Variants in APP observed in about 807,000 individuals in gnomAD.
APP encodes amyloid-beta precursor protein.
APP carries 31 observed loss-of-function variants against 101.4 expected under a neutral mutation model. The ratio of observed to expected loss-of-function variants is 0.31; its 90% confidence interval spans 0.23 to 0.41. The LOEUF is 0.41. Ranked by LOEUF, APP falls within the 10% of genes least tolerant of loss-of-function variation. The pLI, the probability that APP is intolerant of heterozygous loss-of-function variation, is 1.00. For synonymous variants in APP, 366 were observed against 364.4 expected (o/e 1.00, Z -0.05); for missense variants, 839 against 1,003.7 (o/e 0.84, Z 2.22).
intron 13 of APP, among the ~76,000 whole-genome samples, chr21:25,929,920 C>T (rs1170427952): frequency 6.6e-6 from 1 of 152,024 alleles, no homozygotes; most frequent in Non-Finnish European, 1.5e-5. Flanking sequence ...AGCTCTGAAC[C>T]CACTAAGAGA....
intron 8 of APP, among the ~76,000 whole-genome samples, chr21:25,982,739 T>C (rs1303495117): frequency 6.6e-6 from 1 of 152,188 alleles, no homozygotes; most frequent in Non-Finnish European, 1.5e-5. Flanking sequence ...GCATTAGAGT[T>C]CTTTACGAAA....
At chr21:25,957,576 A>G (rs537366733) in intron 11 of APP, among the ~76,000 whole-genome samples, 15 of 152,186 alleles carry the variant, frequency 9.9e-5, no homozygotes, top group Admixed American at 5.9e-4. Flanking sequence ...ATCGCATTTA[A>G]CCATGATGTT....
At chr21:25,992,190 C>T (rs2042892511) in intron 8 of APP, among the ~76,000 whole-genome samples, 1 of 152,172 alleles carries the variant, frequency 6.6e-6, no homozygotes, top group Admixed American at 6.5e-5. Flanking sequence ...CAAGACCAGC[C>T]TGGCCAACAT....
chr21:25,885,610 G>A (rs566662899), intron 17 of APP, among the ~76,000 whole-genome samples: 29 of 152,188 alleles, frequency 1.9e-4, no homozygotes, highest in East Asian at 1.2e-3. Context: ...TGTGACTCTC[G>A]GTACGCTGCA....
At chr21:25,891,620 GT>G in intron 17 of APP, 101 bp downstream of exon 17, 1 of 1,221,258 alleles carries the variant, frequency 8.2e-7, no homozygotes, top group Non-Finnish European at 1.2e-6. Flanking sequence ...ACACTGATTC[GT>G]TTTTTAAAAG....
At chr21:26,044,976 T>C (rs995947976) in intron 5 of APP, among the ~76,000 whole-genome samples, 2 of 152,374 alleles carry the variant, frequency 1.3e-5, no homozygotes, top group South Asian at 2.1e-4. Context: ...ACAGTATTCC[T>C]TGCCATTTTA....
chr21:25,933,643 T>C (rs2040240071), intron 13 of APP, among the ~76,000 whole-genome samples: 1 of 152,204 alleles, frequency 6.6e-6, no homozygotes, highest in Admixed American at 6.5e-5. Context: ...TTATAGAGCA[T>C]TTATACATGC....
In APP at chr21:26,141,008, C is replaced by T. The variant is rs562095292; in HGVS notation, c.58-28862G>A. On this transcript the variant is annotated intron_variant, in intron 1 of 17. Transcript: ENST00000346798. ...ATTCTAACACTAACTGTAATTCTGG[C>T]CAAAAGGTTATGATGTGGGGTCCTC... is the stretch of plus-strand genomic sequence containing the variant. 4.6e-5 allele frequency among the ~76,000 whole-genome samples: 7 copies of T among 152,212 alleles called. No individual in the cohort carries two copies. The East Asian group carries it at 1.2e-3, about 25-fold the overall frequency.
intron 8 of APP, among the ~76,000 whole-genome samples, chr21:25,989,204 G>A (rs928515732): frequency 3.9e-5 from 6 of 152,216 alleles, no homozygotes; most frequent in Non-Finnish European, 7.3e-5. Context: ...TCTTCAGGAT[G>A]AGGCAGACGT....
rs114314035 is a variant in APP at position 25,954,183 on chromosome 21, T to G, written c.1687+407A>C. Among the ~76,000 whole-genome samples, 4 of 152,168 alleles carry G rather than the reference T, an allele frequency of 2.6e-5. 1 individual carries two copies. Among genetic ancestry groups the G allele is most frequent in the African/African-American group, 9.7e-5 (4 of 41,430 alleles). On this transcript the variant is annotated intron_variant, in intron 13 of 17. Transcript: ENST00000346798. ...CCAGTAAGTTACTCAAATTTTAAGTTTGAGCTTTTTCATTTGTAAGATGGA... is the reference window on the plus strand; with the variant it reads ...CCAGTAAGTTACTCAAATTTTAAGTGTGAGCTTTTTCATTTGTAAGATGGA...
chr21:26,026,748 C>G (rs2044594065), intron 5 of APP, among the ~76,000 whole-genome samples: 1 of 152,172 alleles, frequency 6.6e-6, no homozygotes, highest in African/African-American at 2.4e-5. Flanking sequence ...AGTAAAAGTA[C>G]TCAGTATGAC....
Position 25,897,680 on chromosome 21 carries a change from T to C in APP, c.1964-7A>G, listed in dbSNP as rs1426452434. The stretch of plus-strand genomic sequence containing the variant: ...ATATTTGTCAACCCAGAACCTGTAT[T>C]ACATCATAATTAAAGTATGCAGGAC... On this transcript the variant is annotated splice_polypyrimidine_tract_variant and splice_region_variant and intron_variant, in intron 15 of 17. Transcript: ENST00000346798. The C allele has an allele frequency of 1.9e-6, 3 of 1,600,800 alleles. No homozygotes were observed. Among genetic ancestry groups the C allele is most frequent in the Non-Finnish European group, 2.6e-6 (3 of 1,168,050 alleles).
chr21:26,086,026 C>T (rs557820581), intron 3 of APP, among the ~76,000 whole-genome samples: 61 of 152,236 alleles, frequency 4.0e-4, no homozygotes, highest in African/African-American at 1.2e-3. Flanking sequence ...ATTTATTTTA[C>T]GCAATGTTCC....
chr21:25,935,310 A>C (rs1284501845), intron 13 of APP: 4 of 152,254 alleles, frequency 2.6e-5, no homozygotes, highest in African/African-American at 9.6e-5. Flanking sequence ...TTTAAAAAAA[A>C]ATCTCCAGTA....
intron 5 of APP, among the ~76,000 whole-genome samples, chr21:26,034,409 C>T (rs989975829): frequency 1.3e-5 from 2 of 152,038 alleles, no homozygotes; most frequent in African/African-American, 4.8e-5. Flanking sequence ...CTCTGGGAGG[C>T]TGAGGCGGGC....
chr21:26,087,411 G>C (rs1425059710), intron 3 of APP, among the ~76,000 whole-genome samples: 1 of 152,212 alleles, frequency 6.6e-6, no homozygotes, highest in Non-Finnish European at 1.5e-5. Flanking sequence ...TAGTAGTCAA[G>C]AACAGTTAGT....
chr21:25,959,900 T>C (rs1386014885), intron 11 of APP, among the ~76,000 whole-genome samples: 1 of 152,226 alleles, frequency 6.6e-6, no homozygotes, highest in Non-Finnish European at 1.5e-5. Flanking sequence ...CTGATCTCAT[T>C]TAATACTGCC....
intron 1 of APP, among the ~76,000 whole-genome samples, chr21:26,168,943 A>G (rs2063676774): frequency 6.6e-6 from 1 of 152,244 alleles, no homozygotes. Context: ...CAGTGGAATT[A>G]CAGGAAAACA....
chr21:25,901,032 C>G (rs988654302), intron 15 of APP, among the ~76,000 whole-genome samples: 1 of 55,788 alleles, frequency 1.8e-5, no homozygotes, highest in African/African-American at 1.1e-4. Context: ...GGTGCAGTGA[C>G]TCATGCCTGT....
Sources: allele counts gnomAD v4.1 joint callset (sites outside exome capture counted in the v4.1 genomes callset), GRCh38; gene constraint gnomAD v4.1.1; transcripts MANE v1.5; gene names NCBI Gene and HGNC (gene_info 2026-07-23, HGNC 2026-07-21).